Variants in NAA16 observed in about 807,000 individuals in gnomAD.
NAA16 encodes the protein N-alpha-acetyltransferase 16, NatA auxiliary subunit, also known as NARG1-like protein.
A neutral mutation model predicts 110.3 loss-of-function variants in NAA16; 97 were observed. That is an observed-to-expected ratio of 0.88 (90% CI 0.75 to 1.04). The LOEUF (loss-of-function observed/expected upper bound fraction) is 1.04, where lower values mean the gene tolerates loss of function less well. Among genes scored for constraint, NAA16 ranks in the 50% least tolerant of loss-of-function variants. NAA16 has a pLI of 0.00. For missense variants in NAA16, 1,017 were observed against 1,005.1 expected (o/e 1.01, Z -0.16); for synonymous variants, 372 against 330.6 (o/e 1.13, Z -1.36).
intron 9 of NAA16, among the ~76,000 whole-genome samples, chr13:41,338,760 T>C (rs992788076): frequency 6.6e-6 from 1 of 152,198 alleles, no homozygotes; most frequent in Non-Finnish European, 1.5e-5. Context: ...TTTTTTGTAG[T>C]TTCAAAAAAA....
At chr13:41,341,894 C>T (rs1011421558) in intron 9 of NAA16, among the ~76,000 whole-genome samples, 20 of 150,752 alleles carry the variant, frequency 1.3e-4, no homozygotes, top group Non-Finnish European at 2.7e-4. Context: ...TGCAGTGGCG[C>T]AATCTCTGCT....
intron 3 of NAA16, among the ~76,000 whole-genome samples, chr13:41,320,097 T>C (rs116968344): frequency 0.011 from 1,683 of 152,306 alleles, 15 homozygotes; most frequent in Non-Finnish European, 0.016. Flanking sequence ...TATGATAGTT[T>C]TGTGGGGCTT....
rs140564759 is a variant in NAA16, at chr13:41,311,537, C to T, written c.9C>T (p.Asn3=). 3 of 1,605,682 alleles carry T rather than the reference C, an allele frequency of 1.9e-6. No individual in the cohort carries two copies. In the African/African-American group the frequency reaches 4.0e-5, roughly 21 times the overall value. Residue 3 remains asparagine, a synonymous_variant, in exon 1 of 20, where the codon AAC becomes AAT. Transcript: ENST00000379406. MP[N]VLLPPKESNL... The stretch of plus-strand genomic sequence containing the variant: ...CCTCCCTGCCGGCCACGATGCCGAA[C>T]GTGCTGCTGCCGCCCAAGGAGAGCA...
intron 9 of NAA16, among the ~76,000 whole-genome samples, chr13:41,340,647 G>GTTTTTTTTTTTTTTTTTT (rs754237653): frequency 2.3e-5 from 1 of 43,538 alleles, no homozygotes; most frequent in Admixed American, 3.6e-4. Flanking sequence ...TTTTGAGTGA[G>GTTTTTTTTTTTTTTTTTT]TTTTTTTTTT....
rs2041844923 is a variant in NAA16, at chr13:41,317,697, GC to G, written c.139+768del. 3.3e-5 allele frequency among the ~76,000 whole-genome samples: 5 copies of G among 152,282 alleles called. No individual in the cohort carries two copies. The South Asian group carries it at 1.0e-3, about 32-fold the overall frequency. On this transcript the variant is annotated intron_variant, in intron 2 of 19. Coordinates refer to ENST00000379406, the MANE Select transcript of NAA16 (RefSeq NM_024561.5). The stretch of plus-strand genomic sequence containing the variant: ...AATTAATTTTAAAGCTTGTTTTCAA[GC>G]TTTTTAGCTGTGGAAGCTTTATCCA...
intron 6 of NAA16, 95 bp from the exon 7 acceptor site, chr13:41,328,629 T>G: frequency 7.7e-6 from 8 of 1,043,302 alleles, no homozygotes; most frequent in Non-Finnish European, 1.1e-5. Flanking sequence ...TTCTGTCTTT[T>G]TAACCATCTG....
intron 7 of NAA16, among the ~76,000 whole-genome samples, 167 bp downstream of exon 7, chr13:41,329,010 C>A (rs900532627): frequency 1.7e-4 from 26 of 151,932 alleles, no homozygotes; most frequent in African/African-American, 6.0e-4. Flanking sequence ...CAAATAGTTA[C>A]ACTTAAGTGT....
At chr13:41,362,194 G>A (rs954298135) in intron 13 of NAA16, 35 bp downstream of exon 13, 4 of 1,567,062 alleles carry the variant, frequency 2.6e-6, no homozygotes, top group Non-Finnish European at 2.6e-6. Flanking sequence ...AGTTTTCACT[G>A]TAAGGTGATA....
Position 41,343,820 on chromosome 13 carries a change from C to T in NAA16, c.1014+7064C>T, listed in dbSNP as rs951080061. Among the ~76,000 whole-genome samples the T allele has an allele frequency of 3.3e-5, 5 of 152,108 alleles. 1 individual carries two copies. Among genetic ancestry groups the T allele is most frequent in the Middle Eastern group, 6.8e-3 (2 of 294 alleles). ...CCTCCCAAAGTGCTAGGATTACAGG[C>T]GTGAGCCACTGCACCCGGCCTAGAA... On this transcript the variant is annotated intron_variant, in intron 9 of 19. Coordinates refer to ENST00000379406, the MANE Select transcript of NAA16 (RefSeq NM_024561.5).
chr13:41,345,185 T>C (rs997578967), intron 9 of NAA16, among the ~76,000 whole-genome samples: 5 of 152,208 alleles, frequency 3.3e-5, no homozygotes, highest in Admixed American at 3.3e-4. Flanking sequence ...CATGCTTCCA[T>C]TTCTCTTAGG....
At chr13:41,370,004 A>C (rs1593531193) in intron 15 of NAA16, among the ~76,000 whole-genome samples, 1 of 152,178 alleles carries the variant, frequency 6.6e-6, no homozygotes, top group African/African-American at 2.4e-5. Context: ...ATTTTACCTT[A>C]TATGTCTTAC....
chr13:41,372,298 A>G lies in NAA16; in HGVS notation c.2043A>G (p.Ile681Met), dbSNP rs777180023. The change falls in exon 16 of 20, where the codon ATA becomes ATG. Residue 681 changes from isoleucine (I) to methionine (M), a missense_variant. Coordinates refer to ENST00000379406, the MANE Select transcript of NAA16 (RefSeq NM_024561.5). ...ACACTCATCTGTTAGCATTTGAAATATATTTTAGAAAAGGTAATAAATAGT... is the reference window on the plus strand; with the variant it reads ...ACACTCATCTGTTAGCATTTGAAATGTATTTTAGAAAAGGTAATAAATAGT... ...NIDTHLLAFE[I>M]YFRKGKFLLM... 1.9e-6 allele frequency: 3 copies of G among 1,592,936 alleles called. No homozygotes were observed. The highest frequency in any genetic ancestry group is 2.6e-6 in the Non-Finnish European group (3 of 1,171,022).
intron 1 of NAA16, among the ~76,000 whole-genome samples, chr13:41,314,856 G>T (rs538546517): frequency 2.0e-5 from 3 of 152,082 alleles, no homozygotes; most frequent in African/African-American, 7.2e-5. Context: ...ATTTAGCCAG[G>T]CATGATGGCA....
In NAA16 at chr13:41,362,074, TG is replaced by T. The variant is rs1158987338; in HGVS notation, c.1455del (p.Met485IlefsTer21). 6.2e-7 allele frequency: 1 copy of T among 1,611,594 alleles called. No homozygotes were observed. The highest frequency in any genetic ancestry group is 1.7e-5 in the Admixed American group (1 of 59,426). Reference protein sequence around the residue: ...AMENLNEMQCMWFQTECISAY... With the variant: ...AMENLNEMQCXWFQTECISAY... ...GAAAATCTAAATGAAATGCAGTGTA[TG>T]TGGTTTCAGACAGAATGCATTTCAG... On this transcript the variant is annotated frameshift_variant, in exon 13 of 20. Transcript: ENST00000379406. LOFTEE classifies it high-confidence loss of function.
intron 9 of NAA16, 31 bp from the exon 10 acceptor site, chr13:41,355,113 T>A: frequency 7.3e-7 from 1 of 1,374,900 alleles, no homozygotes; most frequent in Non-Finnish European, 1.0e-6. Flanking sequence ...AGAAGATATT[T>A]TTAAATTTTA....
At chr13:41,364,621 TATC>T (rs2043175515) in intron 13 of NAA16, among the ~76,000 whole-genome samples, 2 of 152,158 alleles carry the variant, frequency 1.3e-5, no homozygotes, top group Non-Finnish European at 2.9e-5. Context: ...GTGATTGGAT[TATC>T]ATTATTTTAG....
chr13:41,354,975 C>A (rs186089444), intron 9 of NAA16, among the ~76,000 whole-genome samples, 169 bp from the exon 10 acceptor site: 1 of 134,014 alleles, frequency 7.5e-6, no homozygotes, highest in Non-Finnish European at 1.5e-5. Flanking sequence ...TTCTCCAAAG[C>A]GGGGAAATAC....
chr13:41,318,906 T>C lies in NAA16; in HGVS notation c.240T>C (p.His80=), dbSNP rs2139373025. 3.2e-6 allele frequency: 5 copies of C among 1,565,672 alleles called. No individual in the cohort carries two copies. The highest frequency in any genetic ancestry group is 4.3e-6 in the Non-Finnish European group (5 of 1,153,278). The stretch of plus-strand genomic sequence containing the variant: ...GACTTCGTAATGATGTCAAGAGTCA[T>C]GTCTGTATCCTTTTGCAGTAGTTAA... ...RKGLRNDVKS[H]VCWHVYGLLQ... Residue 80 remains histidine (H), a synonymous_variant, in exon 3 of 20, where the codon CAT becomes CAC. Coordinates refer to ENST00000379406, the MANE Select transcript of NAA16 (RefSeq NM_024561.5).
chr13:41,323,652 A>AT lies in NAA16; in HGVS notation c.537+476dup, dbSNP rs149585307. Among the ~76,000 whole-genome samples, 682 of 137,214 alleles carry AT rather than the reference A, an allele frequency of 5.0e-3. 3 individuals carry two copies. Among genetic ancestry groups the AT allele is most frequent in the Non-Finnish European group, 4.6e-3 (288 of 63,262 alleles). 90.0% of individuals were successfully genotyped at this position (137,214 alleles called of 152,430 possible). On this transcript the variant is annotated intron_variant, in intron 5 of 19. Transcript: ENST00000379406. ...CAGGCGTGAGCCACCGCGCCCGGCC[A>AT]TTTTTTTTTTTTTTAAGAGACGGGG...
Sources: gnomAD v4.1 joint callset for allele counts (sites outside exome capture counted in the v4.1 genomes callset) on GRCh38, gnomAD v4.1.1 for gene constraint, MANE v1.5 for transcripts, NCBI Gene and HGNC (gene_info 2026-07-23, HGNC 2026-07-21) for gene names.